The following RFC1 variants were observed in gnomAD, a reference collection of about 807,000 sequenced individuals.
RFC1 encodes the protein replication factor C subunit 1, also known as A1 140 kDa subunit.
RFC1 carries 37 observed loss-of-function variants against 137.4 expected under a neutral mutation model. The observed-to-expected ratio is 0.27, with a 90% CI of 0.21 to 0.35. The LOEUF (loss-of-function observed/expected upper bound fraction) is 0.35. Ranked by LOEUF, RFC1 falls within the 10% of genes least tolerant of loss-of-function variation. The pLI, the probability that RFC1 is intolerant of heterozygous loss-of-function variation, is 1.00. For missense variants in RFC1, 1,205 were observed against 1,358.5 expected (o/e 0.89, Z 1.78); for synonymous variants, 429 against 455.7 (o/e 0.94, Z 0.75).
chr4:39,305,791 AATG>A (rs1373405426), intron 14 of RFC1, among the ~76,000 whole-genome samples: 1 of 152,198 alleles, frequency 6.6e-6, no homozygotes, highest in Non-Finnish European at 1.5e-5. Flanking sequence ...TAAAAAATAT[AATG>A]ATAATAATAA....
chr4:39,327,540 G>A lies in RFC1; in HGVS notation c.548C>T (p.Ala183Val). The A allele has an allele frequency of 6.2e-7, 1 of 1,608,782 alleles. No individual in the cohort carries two copies. Among genetic ancestry groups the A allele is most frequent in the Non-Finnish European group, 8.5e-7 (1 of 1,178,116 alleles). Residue 183 changes from alanine (A) to valine (V), a missense_variant, in exon 5 of 25, where the codon GCA becomes GTA. Transcript: ENST00000349703. The stretch of plus-strand genomic sequence containing the variant: ...AACACTTACCTCTTTTCTTTTGCTT[G>A]CCACCATCTTCTTATTAGATCTTTG... ...SVQRSNKKMVASKRKELSQNT... is the reference protein window; with the variant it reads ...SVQRSNKKMVVSKRKELSQNT...
chr4:39,329,178 A>G (rs1739956272), intron 4 of RFC1, among the ~76,000 whole-genome samples: 1 of 141,588 alleles, frequency 7.1e-6, no homozygotes, highest in Admixed American at 7.3e-5. Context: ...CCTATAAACA[A>G]AAGAAATCCA....
chr4:39,331,870 G>C (rs974021771), intron 4 of RFC1, among the ~76,000 whole-genome samples: 1 of 151,984 alleles, frequency 6.6e-6, no homozygotes, highest in Non-Finnish European at 1.5e-5. Flanking sequence ...CACACCTTTT[G>C]ATATGGCTTG....
At position 39,300,222 on chromosome 4, in the gene RFC1, G is replaced by C. The variant is rs143589537; in HGVS notation, c.2690+38C>G. On this transcript the variant is annotated intron_variant, in intron 20 of 24. Coordinates refer to ENST00000349703, the MANE Select transcript of RFC1 (RefSeq NM_002913.5). ...CGGGTATTTAGCCTTCGCAGTGCTG[G>C]ATACTAAGCACACCTCTCACCAGCT... 103 of 1,612,784 alleles carry C rather than the reference G, an allele frequency of 6.4e-5. 1 individual carries two copies. In the African/African-American group the frequency reaches 1.2e-3, roughly 19 times the overall value.
intron 1 of RFC1, among the ~76,000 whole-genome samples, chr4:39,362,046 G>A (rs1018251518): frequency 2.6e-4 from 39 of 151,990 alleles, no homozygotes; most frequent in African/African-American, 9.2e-4. Flanking sequence ...CAAAAAAAAA[G>A]AAATCAGTTC....
chr4:39,308,022 A>C (rs1385941569), intron 13 of RFC1, among the ~76,000 whole-genome samples: 1 of 152,184 alleles, frequency 6.6e-6, no homozygotes, highest in African/African-American at 2.4e-5. Context: ...TCTCCACGAC[A>C]AATAATACAT....
chr4:39,323,222 ATAATT>A, intron 7 of RFC1, 113 bp downstream of exon 7: 1 of 629,386 alleles, frequency 1.6e-6, no homozygotes, highest in South Asian at 4.7e-5. Context: ...TTTTTATAAA[ATAATT>A]TAATTTCTTT....
Position 39,323,508 on chromosome 4 carries a change from A to G in RFC1, c.643-91T>C, listed in dbSNP as rs193066953. 2.4e-5 allele frequency: 25 copies of G among 1,031,398 alleles called. No individual in the cohort carries two copies. In the African/African-American group the frequency reaches 3.2e-4, roughly 13 times the overall value. 63.9% of individuals were successfully genotyped at this position (1,031,398 alleles called of 1,614,324 possible). ...TGTCTGATTCATATATTTAGAAGAA[A>G]CTAGAAAAACATTTTCCAGAAAATA... On this transcript the variant is annotated intron_variant, in intron 6 of 24. Transcript: ENST00000349703.
intron 1 of RFC1, among the ~76,000 whole-genome samples, chr4:39,360,721 C>T (rs1282925578): frequency 2.0e-5 from 3 of 151,590 alleles, no homozygotes; most frequent in African/African-American, 4.8e-5. Flanking sequence ...AGCAACAGAG[C>T]GAGACTCTGT....
intron 4 of RFC1, among the ~76,000 whole-genome samples, chr4:39,332,027 G>T (rs1198565584): frequency 1.3e-5 from 2 of 152,060 alleles, no homozygotes; most frequent in Non-Finnish European, 2.9e-5. Context: ...TTCTATAAAG[G>T]GCAGTTTCCC....
At chr4:39,353,048 A>AC (rs397687707) in intron 1 of RFC1, among the ~76,000 whole-genome samples, 1 of 152,004 alleles carries the variant, frequency 6.6e-6, no homozygotes. Context: ...ACACACACAC[A>AC]AATAACTGTG....
At chr4:39,359,821 CAAAA>C (rs1220382587) in intron 1 of RFC1, among the ~76,000 whole-genome samples, 1 of 70,546 alleles carries the variant, frequency 1.4e-5, no homozygotes, top group Non-Finnish European at 2.9e-5. Context: ...GACTCTGTCT[CAAAA>C]AAAAAAAAAA....
rs201314036 is a variant in RFC1 at position 39,345,466 on chromosome 4, G to A, written c.143C>T (p.Ser48Phe). Residue 48 changes from serine to phenylalanine, a missense_variant, in exon 3 of 25, where the codon TCC (serine) becomes TTC (phenylalanine). By Grantham distance (155) the Ser-to-Phe change is radical. Around this residue, in one of 3 missense-constraint regions of RFC1, gnomAD observed 962 missense variants for 1,035.3 expected, o/e 0.93. Coordinates refer to ENST00000349703, the MANE Select transcript of RFC1 (RefSeq NM_002913.5). The part of the protein sequence containing the change: ...KGIKEIKVNS[S>F]RKEDDFKQKQ... ...TTGTTTGAAGTCATCCTCTTTACGGGAGCTATTTACCTATAAACATCACAA... is the reference window on the plus strand; with the variant it reads ...TTGTTTGAAGTCATCCTCTTTACGGAAGCTATTTACCTATAAACATCACAA... 12 of 1,612,128 alleles carry A rather than the reference G, an allele frequency of 7.4e-6. No homozygotes were observed. Among genetic ancestry groups the A allele is most frequent in the Non-Finnish European group, 1.0e-5 (12 of 1,178,866 alleles).
chr4:39,300,285 T>G lies in RFC1; in HGVS notation c.2665A>C (p.Ile889Leu). Residue 889 changes from isoleucine (I) to leucine (L), a missense_variant, in exon 20 of 25, where the codon ATA becomes CTA. Physicochemically the swap from Ile to Leu is conservative, Grantham distance 5 (BLOSUM62 2). This residue lies in a region of RFC1 where 6 missense variants were observed against 19.1 expected (regional missense o/e 0.31). Transcript: ENST00000349703. Reference sequence around the variant, plus strand: ...CCTGCTGCTACAGGCTTCACGTGTATGTAATTTTCCTGGACGAAGAGGGGT... The same window carrying G: ...CCTGCTGCTACAGGCTTCACGTGTAGGTAATTTTCCTGGACGAAGAGGGGT... ...IAPLFVQENY[I>L]HVKPVAAGGD... 1 of 1,614,164 alleles carries G rather than the reference T, an allele frequency of 6.2e-7. No homozygotes were observed. Among genetic ancestry groups the G allele is most frequent in the East Asian group, 2.2e-5 (1 of 44,882 alleles).
At chr4:39,330,076 T>A (rs1052771127) in intron 4 of RFC1, among the ~76,000 whole-genome samples, 2 of 151,774 alleles carry the variant, frequency 1.3e-5, no homozygotes, top group African/African-American at 4.8e-5. Context: ...CCATGAAGAC[T>A]AGGTCTTGGT....
chr4:39,308,558 A>AT, intron 13 of RFC1, 78 bp downstream of exon 13: 1 of 1,516,166 alleles, frequency 6.6e-7, no homozygotes. Flanking sequence ...GAATCGTTAG[A>AT]TTTTCTCATA....
In RFC1 at chr4:39,348,634, CAG is replaced by C. The variant is rs1312380772; in HGVS notation, c.132+2712_132+2713del. Among the ~76,000 whole-genome samples, 4 of 151,936 alleles carry C rather than the reference CAG, an allele frequency of 2.6e-5. No homozygotes were observed. The East Asian group carries it at 5.8e-4, about 22-fold the overall frequency. On this transcript the variant is annotated intron_variant, in intron 2 of 24. Coordinates refer to ENST00000349703, the MANE Select transcript of RFC1 (RefSeq NM_002913.5). ...GAAGGCTGTCAGACTTCTGAGATTC[CAG>C]TGACAGGACAACACAGCTATTCTTC...
At chr4:39,299,556 T>C (rs1342335929) in intron 21 of RFC1, among the ~76,000 whole-genome samples, 1 of 135,124 alleles carries the variant, frequency 7.4e-6, no homozygotes, top group Non-Finnish European at 1.5e-5. Flanking sequence ...GAGCTTGCAG[T>C]GAGCCAAGAT....
intron 1 of RFC1, among the ~76,000 whole-genome samples, chr4:39,358,681 C>T (rs1013938999): frequency 6.6e-6 from 1 of 152,154 alleles, no homozygotes; most frequent in Admixed American, 6.5e-5. Flanking sequence ...ACTAATCATG[C>T]CAATTGTTTT....
Sources: gnomAD v4.1 joint callset for allele counts (sites outside exome capture counted in the v4.1 genomes callset) on GRCh38, gnomAD v4.1.1 for gene constraint, gnomAD v4.1.1 regional missense constraint, MANE v1.5 for transcripts, NCBI Gene and HGNC (gene_info 2026-07-23, HGNC 2026-07-21) for gene names.